The following PLK3 variants were observed in gnomAD, a reference collection of about 807,000 sequenced individuals.
PLK3 encodes the protein serine/threonine-protein kinase PLK3.
In PLK3, 41 loss-of-function variants were observed where a neutral mutation model predicts 71.6. The observed-to-expected ratio is 0.57, with a 90% CI of 0.45 to 0.74. The LOEUF (loss-of-function observed/expected upper bound fraction) is 0.74, where lower values mean the gene tolerates loss of function less well. Among genes scored for constraint, PLK3 ranks in the 30% least tolerant of loss-of-function variants. The pLI is 0.00. For synonymous variants in PLK3, 366 were observed against 355.4 expected (o/e 1.03, Z -0.33); for missense variants, 791 against 875.6 (o/e 0.90, Z 1.22).
intron 3 of PLK3, 46 bp downstream of exon 3, chr1:44,801,198 A>AG (rs1651818052): frequency 1.4e-6 from 1 of 721,512 alleles, no homozygotes; most frequent in Non-Finnish European, 2.3e-6. Flanking sequence ...GGGAGAGAAG[A>AG]CAGTCTTTTT....
chr1:44,800,400 G>A lies in PLK3; in HGVS notation c.-64G>A, dbSNP rs1333306594. The stretch of plus-strand genomic sequence containing the variant: ...GCGCAGCGTAGCAAATCCAGGCAGC[G>A]CCACGCGCGGCCGGGGCCGGGCGGA... On this transcript the variant is annotated 5_prime_UTR_variant, in exon 1 of 15. Transcript: ENST00000372201. The surrounding 1 kb of genome is among the most constrained non-coding windows in gnomAD (Gnocchi z 6.5). The A allele has an allele frequency of 3.2e-6, 4 of 1,243,278 alleles. No homozygotes were observed. The highest frequency in any genetic ancestry group is 4.0e-6 in the Non-Finnish European group (4 of 994,568). The allele number at this position is 1,243,278 out of a possible 1,614,324, so 77.0% of individuals were successfully genotyped here.
Position 44,804,232 on chromosome 1 carries a change from C to G in PLK3, c.1328C>G (p.Ala443Gly), listed in dbSNP as rs1459625416. The change falls in exon 11 of 15, where the codon GCC (alanine) becomes GGC (glycine). Residue 443 changes from alanine to glycine, a missense_variant. Physicochemically the swap from Ala to Gly is moderately conservative, Grantham distance 60. Transcript: ENST00000372201. ...CTTTGTGCTCTGAGAAATTGTATAG[C>G]CTTCATGCCCCCAGGTAAGGGTGGG... ...SALCALRNCI[A>G]FMPPAEQNPA... The G allele has an allele frequency of 1.2e-6, 2 of 1,613,618 alleles. No homozygotes were observed.
intron 13 of PLK3, chr1:44,804,988 C>T (rs1194857409): frequency 1.7e-6 from 1 of 589,404 alleles, no homozygotes; most frequent in East Asian, 3.0e-5. Context: ...GCCTGTAGTC[C>T]CAGCTACTCG....
In PLK3 at chr1:44,804,214, C is replaced by T; in HGVS notation, c.1310C>T (p.Ala437Val). Residue 437 changes from alanine to valine, a missense_variant, in exon 11 of 15, where the codon GCT becomes GTT. By Grantham distance (64) the Ala-to-Val change is moderately conservative. Transcript: ENST00000372201. The stretch of plus-strand genomic sequence containing the variant: ...ACAGTAGTGGAGTCAGCCCTTTGTG[C>T]TCTGAGAAATTGTATAGCCTTCATG... ...VATVVESALC[A>V]LRNCIAFMPP... is the part of the protein sequence containing the mutation. The T allele has an allele frequency of 6.2e-7, 1 of 1,613,902 alleles. No homozygotes were observed. The highest frequency in any genetic ancestry group is 8.5e-7 in the Non-Finnish European group (1 of 1,179,820).
At chr1:44,805,031 G>A (rs1389191587) in intron 13 of PLK3, 10 of 580,594 alleles carry the variant, frequency 1.7e-5, no homozygotes, top group Middle Eastern at 4.6e-4. Flanking sequence ...GCGAACCCAG[G>A]AGGCGGAGCT....
rs200000453 is a variant in PLK3 at position 44,803,101 on chromosome 1, C to T, written c.896C>T (p.Pro299Leu). 2 of 1,613,908 alleles carry T rather than the reference C, an allele frequency of 1.2e-6. No homozygotes were observed. The highest frequency in any genetic ancestry group is 4.5e-5 in the East Asian group (2 of 44,888). Residue 299 changes from proline to leucine, a missense_variant, in exon 7 of 15, where the codon CCC (proline) becomes CTC (leucine). By Grantham distance (98) the Pro-to-Leu change is moderately conservative. Coordinates refer to ENST00000372201, the MANE Select transcript of PLK3 (RefSeq NM_004073.4). The surrounding 1 kb of genome is among the most constrained non-coding windows in gnomAD (Gnocchi z 4.3). ...CTGGCCGCCATCCTTCGGGCCTCAC[C>T]CCGAGACCGCCCCTCTATTGACCAG... ...QLLAAILRAS[P>L]RDRPSIDQIL...
At position 44,800,892 on chromosome 1, in the gene PLK3, A is replaced by G; in HGVS notation, c.263A>G (p.Tyr88Cys). The G allele has an allele frequency of 1.9e-6, 3 of 1,612,198 alleles. No homozygotes were observed. The highest frequency in any genetic ancestry group is 2.5e-6 in the Non-Finnish European group (3 of 1,179,884). Reference sequence around the variant, plus strand: ...ACTGACACAGAGACTGGCAGCGCCTACGCTGTCAAAGTCATCCCGCAGAGC... The same window carrying G: ...ACTGACACAGAGACTGGCAGCGCCTGCGCTGTCAAAGTCATCCCGCAGAGC... Reference protein sequence around the residue: ...EATDTETGSAYAVKVIPQSRV... With the variant: ...EATDTETGSACAVKVIPQSRV... Residue 88 changes from tyrosine (Y) to cysteine (C), a missense_variant, in exon 2 of 15, where the codon TAC (tyrosine) becomes TGC (cysteine). Tyr to Cys is a radical substitution (Grantham distance 194, BLOSUM62 -2). Coordinates refer to ENST00000372201, the MANE Select transcript of PLK3 (RefSeq NM_004073.4). This position sits in a 1 kb window ranked among gnomAD's most constrained non-coding sequence, Gnocchi z 6.5.
chr1:44,801,203 C>CTTTTTTTTT (rs34463102), intron 3 of PLK3, 51 bp downstream of exon 3: 10 of 345,250 alleles, frequency 2.9e-5, no homozygotes, highest in African/African-American at 7.2e-5. Context: ...AGAAGACAGT[C>CTTTTTTTTT]TTTTTTTTTT....
At position 44,803,368 on chromosome 1, in the gene PLK3, G is replaced by A; in HGVS notation, c.1049G>A (p.Ser350Asn). 6.2e-7 allele frequency: 1 copy of A among 1,614,084 alleles called. No homozygotes were observed. Among genetic ancestry groups the A allele is most frequent in the Non-Finnish European group, 8.5e-7 (1 of 1,180,020 alleles). Reference sequence around the variant, plus strand: ...AGTCTGTTTGCCAAAGTTACCAAGAGCCTCTTTGGCAGAAAGAAGAAGAGT... The same window carrying A: ...AGTCTGTTTGCCAAAGTTACCAAGAACCTCTTTGGCAGAAAGAAGAAGAGT... The part of the protein sequence containing the change: ...ARSLFAKVTK[S>N]LFGRKKKSKN... Residue 350 changes from serine (S) to asparagine (N), a missense_variant, in exon 8 of 15, where the codon AGC (serine) becomes AAC (asparagine). Transcript: ENST00000372201. The surrounding 1 kb of genome is among the most constrained non-coding windows in gnomAD (Gnocchi z 4.3).
intron 13 of PLK3, 26 bp downstream of exon 13, chr1:44,804,805 T>A: frequency 6.2e-7 from 1 of 1,611,488 alleles, no homozygotes. Context: ...CTGTGGTACA[T>A]TGAAACCTAA....
chr1:44,805,510 C>T lies in PLK3; in HGVS notation c.1773C>T (p.Thr591=). 1 of 1,614,162 alleles carries T rather than the reference C, an allele frequency of 6.2e-7. No homozygotes were observed. Among genetic ancestry groups the T allele is most frequent in the African/African-American group, 1.3e-5 (1 of 75,044 alleles). The change falls in exon 15 of 15, where the codon ACC becomes ACT. Residue 591 remains threonine, a synonymous_variant. Transcript: ENST00000372201. ...AGGTGAACTTCTACGGGGACCACACCAAGCTGATTCTCAGTGGCTGGGAGC... is the reference window on the plus strand; with the variant it reads ...AGGTGAACTTCTACGGGGACCACACTAAGCTGATTCTCAGTGGCTGGGAGC... The part of the protein sequence containing the change: ...TVQVNFYGDH[T]KLILSGWEPL...
intron 3 of PLK3, 44 bp from the exon 4 acceptor site, chr1:44,801,578 G>A (rs770721843): frequency 1.9e-6 from 3 of 1,600,022 alleles, no homozygotes; most frequent in Non-Finnish European, 1.7e-6. Flanking sequence ...GAGGGGGAGG[G>A]GGAGGGAGGG....
rs1403144974 is a variant in PLK3 at position 44,803,172 on chromosome 1, C to T, written c.948+19C>T. The T allele has an allele frequency of 1.9e-6, 3 of 1,613,566 alleles. No individual in the cohort carries two copies. The highest frequency in any genetic ancestry group is 3.3e-5 in the Admixed American group (2 of 59,978). On this transcript the variant is annotated intron_variant, in intron 7 of 14. Coordinates refer to ENST00000372201, the MANE Select transcript of PLK3 (RefSeq NM_004073.4). The surrounding 1 kb of genome is among the most constrained non-coding windows in gnomAD (Gnocchi z 4.3). ...TACCAAGGTCTGTGGCTCCCCAGAC[C>T]TCTAAGTCCATCTGTGTATTCCCAG...
intron 13 of PLK3, 84 bp from the exon 14 acceptor site, chr1:44,805,182 T>C: frequency 1.1e-6 from 1 of 889,684 alleles, no homozygotes; most frequent in Non-Finnish European, 1.9e-6. Context: ...TTGGGGTTGC[T>C]GAAAGCTAGA....
At chr1:44,802,714 C>T in intron 5 of PLK3, 46 bp from the exon 6 acceptor site, 1 of 1,358,016 alleles carries the variant, frequency 7.4e-7, no homozygotes, top group Non-Finnish European at 1.1e-6. Flanking sequence ...CGGGGGGCTG[C>T]TGGGCTGGGT....
rs79871969 is a variant in PLK3, at chr1:44,802,064, C to T, written c.653+132C>T. 6.2e-3 allele frequency: 4,389 copies of T among 705,946 alleles called. 32 individuals carry two copies. Among genetic ancestry groups the T allele is most frequent in the East Asian group, 0.014 (524 of 37,024 alleles). The allele number at this position is 705,946 out of a possible 1,614,324, so 43.7% of individuals were successfully genotyped here. On this transcript the variant is annotated intron_variant, in intron 5 of 14. Transcript: ENST00000372201. ...AAATGGGAAGGGATGATGGGCTGTT[C>T]ATGCATGTGTGAAGGTGGAGGTGGC...
At position 44,805,944 on chromosome 1, in the gene PLK3, G is replaced by C; in HGVS notation, c.*266G>C. 1 of 1,502,856 alleles carries C rather than the reference G, an allele frequency of 6.7e-7. No individual in the cohort carries two copies. The highest frequency in any genetic ancestry group is 1.4e-5 in the South Asian group (1 of 73,678). 93.1% of individuals were successfully genotyped at this position (1,502,856 alleles called of 1,614,324 possible). A position where few individuals can be genotyped will look rare whatever the true frequency, so the allele number is the denominator to read the frequency against. On this transcript the variant is annotated 3_prime_UTR_variant, in exon 15 of 15. Transcript: ENST00000372201. ...GTCAGACACTTATTTATTGGGATGT[G>C]AGCCCCAGGGGGGCCTCCTCCTAGG...
In PLK3 at chr1:44,805,703, C is replaced by T; in HGVS notation, c.*25C>T. The T allele has an allele frequency of 6.2e-7, 1 of 1,601,708 alleles. No individual in the cohort carries two copies. Among genetic ancestry groups the T allele is most frequent in the African/African-American group, 1.3e-5 (1 of 74,870 alleles). ...GGACCCAAGCCCTGAGGCCTGAGGC[C>T]TGTGCCTGTCAGGCTCTGGCCCTTG... On this transcript the variant is annotated 3_prime_UTR_variant, in exon 15 of 15. Transcript: ENST00000372201.
In PLK3 at chr1:44,800,669, G is replaced by A; in HGVS notation, c.206G>A (p.Gly69Asp). The change falls in exon 1 of 15, where the codon GGC (glycine) becomes GAC (aspartate). Residue 69 changes from glycine to aspartate, a missense_variant. Physicochemically the swap from Gly to Asp is moderately conservative, Grantham distance 94. Transcript: ENST00000372201. This position sits in a 1 kb window ranked among gnomAD's most constrained non-coding sequence, Gnocchi z 6.5. ...ACCTACCTCAAAGGCCGCTTGTTGG[G>A]CAAGGTGGGCCGAGGGACGTCCGCG... ...GRTYLKGRLL[G>D]KGGFARCYEA... 2 of 1,552,592 alleles carry A rather than the reference G, an allele frequency of 1.3e-6. No homozygotes were observed. Among genetic ancestry groups the A allele is most frequent in the South Asian group, 1.2e-5 (1 of 84,772 alleles).
Sources: gnomAD v4.1 joint callset for allele counts on GRCh38, gnomAD v4.1.1 for gene constraint, Gnocchi (gnomAD v3.1) non-coding constraint, MANE v1.5 for transcripts, NCBI Gene and HGNC (gene_info 2026-07-23, HGNC 2026-07-21) for gene names.